DACH2: variants seen among roughly 807,000 people sequenced by gnomAD.
DACH2 encodes dachshund homolog 2.
In DACH2, 17 loss-of-function variants were observed where a neutral mutation model predicts 35.8. That is an observed-to-expected ratio of 0.48 (90% confidence interval 0.33 to 0.71). The LOEUF is 0.71. DACH2 is among the 30% of genes least tolerant of loss of function. The pLI, the probability that DACH2 is intolerant of heterozygous loss-of-function variation, is 0.02. For synonymous variants in DACH2, 195 were observed against 177.3 expected, an observed-to-expected ratio of 1.10 and a Z score of -0.79; for missense variants, 469 against 472.7, an observed-to-expected ratio of 0.99 and a Z score of 0.07.
intron 4 of DACH2, among the ~76,000 whole-genome samples, chrX:86,689,000 G>A (rs1211497777): frequency 9.0e-6 from 1 of 111,469 alleles, no homozygotes; most frequent in South Asian, 3.7e-4. Flanking sequence ...ATTGGCAAGT[G>A]CAGCCCTAGA....
chrX:86,358,455 AC>A (rs1303839605), intron 1 of DACH2, among the ~76,000 whole-genome samples: 2 of 107,835 alleles, frequency 1.9e-5, no homozygotes, highest in Non-Finnish European at 3.9e-5. Flanking sequence ...ACACACACAC[AC>A]ACACACACAC....
intron 3 of DACH2, among the ~76,000 whole-genome samples, chrX:86,597,899 C>A (rs1055986987): frequency 7.2e-5 from 8 of 111,602 alleles, no homozygotes; most frequent in Admixed American, 6.7e-4. Flanking sequence ...ATACCCAATA[C>A]TGGGCAATTT....
intron 3 of DACH2, among the ~76,000 whole-genome samples, chrX:86,568,484 A>G (rs2039320894): frequency 9.0e-6 from 1 of 111,547 alleles, no homozygotes; most frequent in African/African-American, 3.2e-5. Context: ...AAACAAAAGA[A>G]GTCAATTTGC....
chrX:86,320,641 G>A (rs770069387), intron 1 of DACH2, among the ~76,000 whole-genome samples: 2 of 112,542 alleles, frequency 1.8e-5, no homozygotes, highest in East Asian at 5.6e-4. Context: ...TCTGGCACCA[G>A]CAAAACCACT....
intron 6 of DACH2, among the ~76,000 whole-genome samples, chrX:86,719,932 C>CTTTTTTTTTTTTTTTTTTTT (rs57079697): frequency 4.0e-5 from 3 of 75,589 alleles, no homozygotes; most frequent in African/African-American, 5.0e-5. Flanking sequence ...TTTCTTTTTT[C>CTTTTTTTTTTTTTTTTTTTT]TTTTTTTTTT....
chrX:86,541,292 A>T (rs1274800552), intron 3 of DACH2, among the ~76,000 whole-genome samples: 1 of 111,547 alleles, frequency 9.0e-6, no homozygotes, highest in African/African-American at 3.3e-5. Context: ...TTACATCTCC[A>T]GAAAATAATA....
intron 4 of DACH2, among the ~76,000 whole-genome samples, chrX:86,674,816 A>C (rs5923587): frequency 0.31 from 33,510 of 108,873 alleles, 4,254 homozygotes; most frequent in Middle Eastern, 0.46. Flanking sequence ...CTCATCATCC[A>C]CTCCTCTTCT....
At chrX:86,488,696 T>C (rs1388631551) in intron 2 of DACH2, among the ~76,000 whole-genome samples, 3 of 111,578 alleles carry the variant, frequency 2.7e-5, no homozygotes, top group Non-Finnish European at 5.7e-5. Flanking sequence ...TATACATGTA[T>C]TGAAGCATCA....
At chrX:86,501,885 A>G (rs1457745620) in intron 2 of DACH2, among the ~76,000 whole-genome samples, 1 of 111,738 alleles carries the variant, frequency 8.9e-6, no homozygotes, top group African/African-American at 3.3e-5. Context: ...GGGGTTAATG[A>G]AAAAAATCAA....
chrX:86,575,352 G>C (rs754070701), intron 3 of DACH2, among the ~76,000 whole-genome samples: 2 of 110,933 alleles, frequency 1.8e-5, no homozygotes, highest in Admixed American at 9.7e-5. Context: ...GCAATGGTGG[G>C]GGGGGAAGCT....
intron 1 of DACH2, among the ~76,000 whole-genome samples, chrX:86,300,864 C>T (rs1602379441): frequency 9.0e-6 from 1 of 111,695 alleles, no homozygotes; most frequent in East Asian, 2.8e-4. Context: ...ATTCAGCTTC[C>T]TTTGATTTAA....
At chrX:86,630,709 T>G (rs1264606180) in intron 3 of DACH2, among the ~76,000 whole-genome samples, 1 of 110,361 alleles carries the variant, frequency 9.1e-6, no homozygotes, top group African/African-American at 3.3e-5. Flanking sequence ...TTTTTTTTTT[T>G]TAACTGAGTC....
rs763028287 is a variant in DACH2, at chrX:86,161,033, G to T, written c.488+11925G>T. 5 of 990,466 alleles carry T rather than the reference G, an allele frequency of 5.0e-6. No homozygotes were observed. In the African/African-American group the frequency reaches 5.6e-5, roughly 11 times the overall value. The allele number at this position is 990,466 out of a possible 1,213,427, so 81.6% of individuals were successfully genotyped here. A position where few individuals can be genotyped will look rare whatever the true frequency, so the allele number is the denominator to read the frequency against. ...CTTTCCATCCCTTGAACGAAGGCAC[G>T]TTAGCAGTTGCCTCCAGCATGTTGT... On this transcript the variant is annotated intron_variant, in intron 1 of 11. Coordinates refer to ENST00000373125, the MANE Select transcript of DACH2 (RefSeq NM_053281.3).
In DACH2 at chrX:86,161,143, C is replaced by T. The variant is rs1051642503; in HGVS notation, c.488+12035C>T. 2.0e-4 allele frequency: 228 copies of T among 1,138,901 alleles called. No individual in the cohort carries two copies. In the African/African-American group the frequency reaches 3.5e-3, roughly 17 times the overall value. The allele number at this position is 1,138,901 out of a possible 1,213,427, so 93.9% of individuals were successfully genotyped here. A position where few individuals can be genotyped will look rare whatever the true frequency, so the allele number is the denominator to read the frequency against. ...TTAATGTAAGTGCTGACTTCCTTAA[C>T]GATTTCCTCATATCTCTTCTGGCTG... On this transcript the variant is annotated intron_variant, in intron 1 of 11. Transcript: ENST00000373125.
intron 1 of DACH2, among the ~76,000 whole-genome samples, chrX:86,150,454 C>G (rs1215128915): frequency 8.9e-6 from 1 of 112,421 alleles, no homozygotes; most frequent in Non-Finnish European, 1.9e-5. Flanking sequence ...TGTAGGCAAA[C>G]TGTTGCTTAC....
chrX:86,496,400 A>G (rs1283872795), intron 2 of DACH2, among the ~76,000 whole-genome samples: 2 of 111,117 alleles, frequency 1.8e-5, no homozygotes, highest in Non-Finnish European at 3.8e-5. Context: ...CATTTATTCA[A>G]TAGTGTAGGT....
At chrX:86,546,925 G>A (rs1272596529) in intron 3 of DACH2, among the ~76,000 whole-genome samples, 4 of 110,248 alleles carry the variant, frequency 3.6e-5, no homozygotes, top group East Asian at 2.9e-4. Flanking sequence ...TCTGAACTGC[G>A]CCCATTTTCA....
intron 2 of DACH2, among the ~76,000 whole-genome samples, chrX:86,426,709 T>G (rs1162949221): frequency 1.8e-5 from 2 of 111,435 alleles, no homozygotes; most frequent in Non-Finnish European, 1.9e-5. Flanking sequence ...TTACTAGAAT[T>G]GTACTCTAAG....
At chrX:86,546,357 C>CTTCTTCTTCTTCTTCTTCT (rs2038959347) in intron 3 of DACH2, among the ~76,000 whole-genome samples, 7 of 50,068 alleles carry the variant, frequency 1.4e-4, no homozygotes, top group Non-Finnish European at 1.6e-4. Flanking sequence ...CTTCTTCTTC[C>CTTCTTCTTCTTCTTCTTCT]TCTTCTTCTT....
Sources: allele counts gnomAD v4.1 joint callset (sites outside exome capture counted in the v4.1 genomes callset), GRCh38; gene constraint gnomAD v4.1.1; transcripts MANE v1.5; gene names NCBI Gene and HGNC (gene_info 2026-07-23, HGNC 2026-07-21).